CDC23: variants seen among roughly 807,000 people sequenced by gnomAD.
CDC23 encodes cell division cycle protein 23 homolog.
Under a neutral mutation model 81.7 loss-of-function variants are expected in CDC23, and 26 were observed. The ratio of observed to expected loss-of-function variants is 0.32; its 90% CI spans 0.23 to 0.44. The LOEUF (loss-of-function observed/expected upper bound fraction) is 0.44, where lower values mean the gene tolerates loss of function less well. Among genes scored for constraint, CDC23 ranks in the 20% least tolerant of loss-of-function variants. The pLI, the probability that CDC23 is intolerant of heterozygous loss-of-function variation, is 1.00. For missense variants in CDC23, 519 were observed against 728.0 expected, an observed-to-expected ratio of 0.71 and a Z score of 3.30; for synonymous variants, 267 against 270.8, an observed-to-expected ratio of 0.99 and a Z score of 0.14.
chr5:138,199,205 G>A (rs1754958055), intron 6 of CDC23, among the ~76,000 whole-genome samples: 1 of 152,148 alleles, frequency 6.6e-6, no homozygotes, highest in Non-Finnish European at 1.5e-5. Flanking sequence ...TGAACTGGTA[G>A]AGCGCATCCT....
At chr5:138,204,432 G>A (rs1755024002) in intron 3 of CDC23, among the ~76,000 whole-genome samples, 1 of 151,074 alleles carries the variant, frequency 6.6e-6, no homozygotes, top group African/African-American at 2.4e-5. Context: ...TTGAACCCGG[G>A]AGGCAGAGGT....
intron 6 of CDC23, among the ~76,000 whole-genome samples, chr5:138,199,571 A>G (rs1426384221): frequency 6.6e-6 from 1 of 152,212 alleles, no homozygotes; most frequent in Non-Finnish European, 1.5e-5. Context: ...TGAGATGATA[A>G]AGGAAACCAA....
rs1231192656 is a variant in CDC23 at position 138,188,316 on chromosome 5, A to C, written c.*662T>G. ...TTTGCCCTCAGTAAGGGCTATCAGC[A>C]GTTCCAAGCTCTGTGAGATTATTTT... On this transcript the variant is annotated 3_prime_UTR_variant, in exon 16 of 16. Transcript: ENST00000394886. 1 of 152,196 alleles carries C rather than the reference A, an allele frequency of 6.6e-6. No individual in the cohort carries two copies. The highest frequency in any genetic ancestry group is 6.5e-5 in the Admixed American group (1 of 15,278). 9.4% of individuals were successfully genotyped at this position (152,196 alleles called of 1,614,324 possible).
At position 138,203,684 on chromosome 5, in the gene CDC23, C is replaced by T. The variant is rs529349432; in HGVS notation, c.373-1529G>A. ...CCTAGCACTTTGGGAGGCCGAGGCA[C>T]GCCAATCACCTGAGGTCAGGAGTTC... is the stretch of plus-strand genomic sequence containing the variant. On this transcript the variant is annotated intron_variant, in intron 3 of 15. Transcript: ENST00000394886. Among the ~76,000 whole-genome samples the T allele has an allele frequency of 7.2e-5, 11 of 151,732 alleles. No individual in the cohort carries two copies. The South Asian group carries it at 2.1e-3, about 29-fold the overall frequency.
chr5:138,190,718 G>A lies in CDC23; in HGVS notation c.1424+756C>T, dbSNP rs145012123. On this transcript the variant is annotated intron_variant, in intron 13 of 15. Transcript: ENST00000394886. Reference sequence around the variant, plus strand: ...AGGCAGAGGTTGCACTCTAGCCTCCGTGACAGAGCAAGACTCCGTCTCAAA... The same window carrying A: ...AGGCAGAGGTTGCACTCTAGCCTCCATGACAGAGCAAGACTCCGTCTCAAA... Among the ~76,000 whole-genome samples, 102 of 152,074 alleles carry A rather than the reference G, an allele frequency of 6.7e-4. 1 individual carries two copies. Among genetic ancestry groups the A allele is most frequent in the African/African-American group, 2.2e-3 (93 of 41,496 alleles).
intron 2 of CDC23, among the ~76,000 whole-genome samples, chr5:138,209,430 A>AAAAAG (rs562522195): frequency 0.036 from 5,385 of 151,132 alleles, 266 homozygotes; most frequent in African/African-American, 0.11. Context: ...TCAAAAAAAA[A>AAAAAG]AAAAGAAAAG....
At chr5:138,213,123 C>T in intron 1 of CDC23, 29 bp downstream of exon 1, 2 of 1,614,116 alleles carry the variant, frequency 1.2e-6, no homozygotes, top group Non-Finnish European at 8.5e-7. Context: ...AGGATCCAAG[C>T]CCCGTCCCTT....
chr5:138,193,914 C>T (rs1245492220), intron 9 of CDC23, among the ~76,000 whole-genome samples: 14 of 150,926 alleles, frequency 9.3e-5, no homozygotes, highest in Non-Finnish European at 1.8e-4. Flanking sequence ...GCCAAGATCG[C>T]GCCATTGCAC....
intron 3 of CDC23, among the ~76,000 whole-genome samples, chr5:138,203,628 T>C (rs1484409942): frequency 6.6e-6 from 1 of 152,016 alleles, no homozygotes; most frequent in African/African-American, 2.4e-5. Context: ...AGATTGGAAT[T>C]CGGCCGGGTG....
chr5:138,204,767 T>G (rs553490048), intron 3 of CDC23, among the ~76,000 whole-genome samples: 4 of 150,608 alleles, frequency 2.7e-5, no homozygotes, highest in Admixed American at 2.7e-4. Flanking sequence ...CTACAGGCGC[T>G]CGCCACTGCG....
intron 10 of CDC23, 25 bp from the exon 11 acceptor site, chr5:138,192,413 T>C (rs1281297073): frequency 6.2e-7 from 1 of 1,614,040 alleles, no homozygotes; most frequent in Non-Finnish European, 8.5e-7. Context: ...AGACAGGTTG[T>C]TAAGAAGGCA....
At chr5:138,189,518 C>G in intron 15 of CDC23, 115 bp downstream of exon 15, 1 of 1,009,782 alleles carries the variant, frequency 9.9e-7, no homozygotes, top group African/African-American at 1.6e-5. Context: ...CTCAGCCTCC[C>G]AAAGTGTTGG....
intron 6 of CDC23, among the ~76,000 whole-genome samples, chr5:138,200,407 C>T (rs1175130456): frequency 6.6e-6 from 1 of 151,974 alleles, no homozygotes; most frequent in Middle Eastern, 3.4e-3. Flanking sequence ...GCTAGGATTA[C>T]AGGCATGAGC....
chr5:138,199,646 A>G (rs1357566854), intron 6 of CDC23, among the ~76,000 whole-genome samples: 1 of 152,268 alleles, frequency 6.6e-6, no homozygotes, highest in Non-Finnish European at 1.5e-5. Context: ...ATAAAGGCAG[A>G]TAAGAGAAAA....
chr5:138,190,680 A>C (rs1754816339), intron 13 of CDC23, among the ~76,000 whole-genome samples: 1 of 151,986 alleles, frequency 6.6e-6, no homozygotes, highest in South Asian at 2.1e-4. Context: ...CAGGAGAATC[A>C]TTTGAACCCA....
chr5:138,196,049 C>A (rs911093416), intron 9 of CDC23, among the ~76,000 whole-genome samples: 1 of 150,868 alleles, frequency 6.6e-6, no homozygotes, highest in Non-Finnish European at 1.5e-5. Context: ...TTTTCACTTC[C>A]TCTGAACTGG....
rs1754805601 is a variant in CDC23 at position 138,189,768 on chromosome 5, A to G, written c.1504-16T>C. 1 of 1,613,312 alleles carries G rather than the reference A, an allele frequency of 6.2e-7. No homozygotes were observed. The highest frequency in any genetic ancestry group is 1.7e-5 in the Admixed American group (1 of 59,992). ...CTACTATTTCCTAGAAAGGGAAAGC[A>G]AAATTACTGAGGTGACAGTAATAAT... On this transcript the variant is annotated splice_polypyrimidine_tract_variant and intron_variant, in intron 14 of 15. Coordinates refer to ENST00000394886, the MANE Select transcript of CDC23 (RefSeq NM_004661.4).
rs375023584 is a variant in CDC23 at position 138,188,968 on chromosome 5, G to A, written c.*10C>T. Reference sequence around the variant, plus strand: ...TGGGTCTAACAATGTGCTGGCTTGAGAGTAGCCAACTATGGCGTGACAGAA... The same window carrying A: ...TGGGTCTAACAATGTGCTGGCTTGAAAGTAGCCAACTATGGCGTGACAGAA... On this transcript the variant is annotated 3_prime_UTR_variant, in exon 16 of 16. Coordinates refer to ENST00000394886, the MANE Select transcript of CDC23 (RefSeq NM_004661.4). 8.7e-6 allele frequency: 14 copies of A among 1,612,976 alleles called. No individual in the cohort carries two copies. The African/African-American group carries it at 1.6e-4, about 18-fold the overall frequency.
chr5:138,194,478 T>C (rs1391060250), intron 9 of CDC23, among the ~76,000 whole-genome samples: 1 of 152,084 alleles, frequency 6.6e-6, no homozygotes, highest in Non-Finnish European at 1.5e-5. Context: ...AAGAATCTAT[T>C]TATATGAAAT....
Sources: gnomAD v4.1 joint callset for allele counts (sites outside exome capture counted in the v4.1 genomes callset) on GRCh38, gnomAD v4.1.1 for gene constraint, MANE v1.5 for transcripts, NCBI Gene and HGNC (gene_info 2026-07-23, HGNC 2026-07-21) for gene names.